The following CATSPERT variants were observed in gnomAD, a reference collection of about 807,000 sequenced individuals.
CATSPERT encodes the protein cation channel sperm-associated targeting subunit tau.
the CATSPERT span, among the ~76,000 whole-genome samples, chr2:201,511,328 T>G: frequency 6.6e-6 from 1 of 152,160 alleles, no homozygotes. Context: ...GTTTAGCAAG[T>G]GTCTATTATG....
chr2:201,572,726 A>T, the CATSPERT span, among the ~76,000 whole-genome samples: 23 of 152,174 alleles, frequency 1.5e-4, 1 homozygote, highest in Admixed American at 1.4e-3. Flanking sequence ...TAAGAAATTT[A>T]AAAAATAACA....
the CATSPERT span, among the ~76,000 whole-genome samples, chr2:201,611,215 T>G: frequency 1.3e-5 from 2 of 152,134 alleles, no homozygotes; most frequent in African/African-American, 4.8e-5. Flanking sequence ...GAAAAACCTA[T>G]AGATTCCTAC....
chr2:201,612,337 G>T, the CATSPERT span, among the ~76,000 whole-genome samples: 16 of 152,228 alleles, frequency 1.1e-4, no homozygotes, highest in African/African-American at 3.9e-4. Context: ...CACCTTGGGA[G>T]GCCAGGTGGG....
the CATSPERT span, chr2:201,492,941 G>A: frequency 2.9e-5 from 44 of 1,536,306 alleles, no homozygotes; most frequent in Admixed American, 2.4e-4. Flanking sequence ...AGAAACACAC[G>A]CAACTTTGGA....
At chr2:201,584,018 G>T in the CATSPERT span, among the ~76,000 whole-genome samples, 1 of 152,152 alleles carries the variant, frequency 6.6e-6, no homozygotes, top group Non-Finnish European at 1.5e-5. Context: ...GAGAATTAAC[G>T]AACTAGAATT....
the CATSPERT span, among the ~76,000 whole-genome samples, chr2:201,519,023 T>C: frequency 5.3e-5 from 8 of 152,316 alleles, no homozygotes; most frequent in East Asian, 9.6e-4. Flanking sequence ...CTCATATACA[T>C]TCAGATGTAG....
chr2:201,514,698 G>C, the CATSPERT span, among the ~76,000 whole-genome samples: 2 of 152,194 alleles, frequency 1.3e-5, no homozygotes, highest in African/African-American at 2.4e-5. Flanking sequence ...AGTTTCTCTA[G>C]GAAGAGTATT....
chr2:201,507,964 A>G, the CATSPERT span, among the ~76,000 whole-genome samples: 1 of 152,196 alleles, frequency 6.6e-6, no homozygotes, highest in African/African-American at 2.4e-5. Context: ...GTCCACCGCC[A>G]TGATTCAGTC....
At chr2:201,600,949 C>T in the CATSPERT span, among the ~76,000 whole-genome samples, 1 of 152,062 alleles carries the variant, frequency 6.6e-6, no homozygotes, top group African/African-American at 2.4e-5. Context: ...AGTGTTTCAC[C>T]ATGTTGGTCA....
chr2:201,521,940 C>G, the CATSPERT span, among the ~76,000 whole-genome samples: 2 of 152,094 alleles, frequency 1.3e-5, no homozygotes, highest in African/African-American at 4.8e-5. Flanking sequence ...TTCAACATCC[C>G]TTTATGATAA....
chr2:201,603,346 T>C, the CATSPERT span: 1 of 1,319,574 alleles, frequency 7.6e-7, no homozygotes, highest in East Asian at 2.5e-5. Flanking sequence ...CACTTTACAC[T>C]GAGCTCTATT....
chr2:201,595,271 C>T, the CATSPERT span, among the ~76,000 whole-genome samples: 6 of 150,412 alleles, frequency 4.0e-5, no homozygotes, highest in African/African-American at 1.5e-4. Context: ...TCACTGCAAG[C>T]TCCGCCTCCC....
chr2:201,549,932 C>T, the CATSPERT span: 1 of 151,956 alleles, frequency 6.6e-6, no homozygotes, highest in Admixed American at 6.6e-5. Flanking sequence ...CATAGGCTAC[C>T]AATGATATTT....
chr2:201,614,399 A>G, the CATSPERT span, among the ~76,000 whole-genome samples: 1 of 152,230 alleles, frequency 6.6e-6, no homozygotes, highest in Non-Finnish European at 1.5e-5. Flanking sequence ...AGTGGGGGCC[A>G]ATATTCAACA....
chr2:201,515,974 T>C, the CATSPERT span, among the ~76,000 whole-genome samples: 1 of 152,222 alleles, frequency 6.6e-6, no homozygotes, highest in African/African-American at 2.4e-5. Context: ...CAATTAACAA[T>C]GTGAATACAC....
the CATSPERT span, among the ~76,000 whole-genome samples, chr2:201,496,800 G>A: frequency 2.6e-5 from 4 of 152,218 alleles, no homozygotes; most frequent in Non-Finnish European, 5.9e-5. Context: ...TCTAGTTCTA[G>A]TTCTTATTTT....
At chr2:201,618,556 T>A in the CATSPERT span, among the ~76,000 whole-genome samples, 2 of 105,968 alleles carry the variant, frequency 1.9e-5, no homozygotes, top group Non-Finnish European at 3.7e-5. Context: ...CCACGGCCTG[T>A]CGTGGGTTGG....
chr2:201,593,077 G>T, the CATSPERT span, among the ~76,000 whole-genome samples: 5 of 151,924 alleles, frequency 3.3e-5, no homozygotes, highest in South Asian at 2.1e-4. Context: ...TGATGTTAGG[G>T]TGTCAATTTT....
the CATSPERT span, among the ~76,000 whole-genome samples, chr2:201,522,726 A>C: frequency 1.3e-5 from 2 of 152,178 alleles, no homozygotes; most frequent in African/African-American, 4.8e-5. Flanking sequence ...TGGAGCCCAG[A>C]GGGTTTAGGT....
Sources: gnomAD v4.1 joint callset for allele counts (sites outside exome capture counted in the v4.1 genomes callset) on GRCh38, gnomAD v4.1.1 for gene constraint, MANE v1.5 for transcripts, NCBI Gene and HGNC (gene_info 2026-07-23, HGNC 2026-07-21) for gene names.